Variants in DPY19L4 observed in about 807,000 individuals in gnomAD.
The protein encoded by DPY19L4 is probable C-mannosyltransferase DPY19L4.
Under a neutral mutation model 102.8 loss-of-function variants are expected in DPY19L4, and 97 were observed. The observed-to-expected ratio is 0.94, with a 90% CI of 0.80 to 1.12. The LOEUF (loss-of-function observed/expected upper bound fraction) is 1.12, where lower values mean the gene tolerates loss of function less well. DPY19L4 is among the 50% of genes most tolerant of loss of function. The probability of loss-of-function intolerance (pLI) is 0.00; values close to 1 mark genes in which losing one functional copy is unlikely to be tolerated. For missense variants in DPY19L4, 815 were observed against 850.4 expected, an observed-to-expected ratio of 0.96 and a Z score of 0.52; for synonymous variants, 252 against 283.1, an observed-to-expected ratio of 0.89 and a Z score of 1.10.
At chr8:94,744,050 T>G (rs536834955) in intron 6 of DPY19L4, among the ~76,000 whole-genome samples, 1 of 152,246 alleles carries the variant, frequency 6.6e-6, no homozygotes, top group Non-Finnish European at 1.5e-5. Flanking sequence ...TTGTGTGATG[T>G]ATTAGTTATT....
chr8:94,750,873 C>T (rs2130849691), intron 6 of DPY19L4, among the ~76,000 whole-genome samples: 1 of 151,524 alleles, frequency 6.6e-6, no homozygotes, highest in Non-Finnish European at 1.5e-5. Context: ...ACCTCCACCT[C>T]CCAGGTTCAA....
intron 6 of DPY19L4, among the ~76,000 whole-genome samples, chr8:94,750,436 A>G (rs1183050287): frequency 6.6e-6 from 1 of 152,200 alleles, no homozygotes; most frequent in Non-Finnish European, 1.5e-5. Flanking sequence ...TTAGAGAATT[A>G]GAAAAGAGCT....
chr8:94,723,072 T>C (rs1024288585), intron 1 of DPY19L4, among the ~76,000 whole-genome samples: 1 of 152,246 alleles, frequency 6.6e-6, no homozygotes, highest in African/African-American at 2.4e-5. Flanking sequence ...TACTGTTTCA[T>C]ATGAAGATGA....
intron 1 of DPY19L4, 65 bp downstream of exon 1, chr8:94,720,079 G>A: frequency 6.6e-7 from 1 of 1,504,814 alleles, no homozygotes; most frequent in South Asian, 1.3e-5. Context: ...GGGCGGGGGC[G>A]CTGGAGGTCT....
Position 94,781,124 on chromosome 8 carries a change from A to T in DPY19L4, c.1673A>T (p.Glu558Val). The T allele has an allele frequency of 6.3e-7, 1 of 1,596,050 alleles. No homozygotes were observed. Among genetic ancestry groups the T allele is most frequent in the Non-Finnish European group, 8.5e-7 (1 of 1,175,936 alleles). The change falls in exon 16 of 19, where the codon GAA becomes GTA. Residue 558 changes from glutamate (E) to valine (V), a missense_variant. Coordinates refer to ENST00000414645, the MANE Select transcript of DPY19L4 (RefSeq NM_181787.3). ...ATGACAGAATTAATGGAACTACAGG[A>T]ATTCTATGACCCAGATACAGTGGAA... ...RLMTELMELQ[E>V]FYDPDTVELM...
chr8:94,724,276 A>G (rs910733889), intron 1 of DPY19L4, among the ~76,000 whole-genome samples: 5 of 152,248 alleles, frequency 3.3e-5, no homozygotes, highest in Middle Eastern at 3.2e-3. Flanking sequence ...TTAAAGTCCA[A>G]TGCTATTACG....
At chr8:94,775,459 A>G (rs1813136703) in intron 13 of DPY19L4, among the ~76,000 whole-genome samples, 1 of 152,218 alleles carries the variant, frequency 6.6e-6, no homozygotes, top group Non-Finnish European at 1.5e-5. Context: ...GGTGTGAGCC[A>G]CTGCACCCAG....
intron 3 of DPY19L4, among the ~76,000 whole-genome samples, chr8:94,735,408 G>A (rs546771957): frequency 2.6e-5 from 4 of 152,112 alleles, no homozygotes; most frequent in Non-Finnish European, 5.9e-5. Flanking sequence ...ACACCATCAA[G>A]ACATTTAACT....
intron 1 of DPY19L4, 130 bp from the exon 2 acceptor site, chr8:94,726,200 GA>G: frequency 5.1e-6 from 3 of 583,108 alleles, no homozygotes; most frequent in Non-Finnish European, 8.1e-6. Flanking sequence ...AAATAATTAT[GA>G]AAAGGTTATC....
intron 7 of DPY19L4, 43 bp downstream of exon 7, chr8:94,756,202 G>A (rs770219671): frequency 1.4e-5 from 22 of 1,591,090 alleles, no homozygotes; most frequent in South Asian, 2.3e-5. Context: ...TAATTCTGAT[G>A]TATTGCAAAT....
At chr8:94,766,936 G>A (rs1812700968) in intron 11 of DPY19L4, among the ~76,000 whole-genome samples, 1 of 151,888 alleles carries the variant, frequency 6.6e-6, no homozygotes. Context: ...TGGGTGTGGT[G>A]GTGCATGCCT....
intron 2 of DPY19L4, among the ~76,000 whole-genome samples, chr8:94,730,886 C>T (rs1810921511): frequency 6.7e-6 from 1 of 149,420 alleles, no homozygotes; most frequent in Non-Finnish European, 1.5e-5. Context: ...GCTGGGATTA[C>T]AGGCATGCAC....
intron 9 of DPY19L4, among the ~76,000 whole-genome samples, 170 bp downstream of exon 9, chr8:94,765,484 C>T (rs1333748921): frequency 1.3e-5 from 2 of 151,870 alleles, no homozygotes; most frequent in East Asian, 1.9e-4. Context: ...TACAAGCATG[C>T]GCCACCACAC....
intron 3 of DPY19L4, among the ~76,000 whole-genome samples, chr8:94,736,450 T>C (rs1293847213): frequency 6.6e-6 from 1 of 152,234 alleles, no homozygotes. Flanking sequence ...TCAAAACTTA[T>C]TTAACTACAG....
chr8:94,730,745 CTTT>C (rs533095374), intron 2 of DPY19L4, among the ~76,000 whole-genome samples: 3 of 116,204 alleles, frequency 2.6e-5, no homozygotes, highest in Admixed American at 8.6e-5. Flanking sequence ...AACTCTGTCT[CTTT>C]TTTTTTTTTT....
chr8:94,739,622 C>G (rs752620683), intron 5 of DPY19L4, 23 bp from the exon 6 acceptor site: 55 of 1,611,602 alleles, frequency 3.4e-5, no homozygotes, highest in Non-Finnish European at 4.6e-5. Flanking sequence ...TTGTCTTGTT[C>G]TCTTTCTGTT....
intron 6 of DPY19L4, among the ~76,000 whole-genome samples, chr8:94,754,512 T>C (rs966713256): frequency 3.3e-5 from 5 of 152,172 alleles, no homozygotes; most frequent in Admixed American, 3.3e-4. Context: ...TATTCAGGAG[T>C]GTATTACTTG....
intron 6 of DPY19L4, among the ~76,000 whole-genome samples, chr8:94,752,297 T>C (rs1037144870): frequency 6.6e-6 from 1 of 152,084 alleles, no homozygotes; most frequent in African/African-American, 2.4e-5. Flanking sequence ...TTTTAAAAGC[T>C]TAGATTGCTG....
intron 13 of DPY19L4, among the ~76,000 whole-genome samples, chr8:94,771,695 G>A (rs566071848): frequency 2.0e-5 from 3 of 152,218 alleles, no homozygotes; most frequent in Non-Finnish European, 4.4e-5. Flanking sequence ...AGAGGGAATG[G>A]CATATGCCCA....
Sources: gnomAD v4.1 joint callset for allele counts (sites outside exome capture counted in the v4.1 genomes callset) on GRCh38, gnomAD v4.1.1 for gene constraint, MANE v1.5 for transcripts, NCBI Gene and HGNC (gene_info 2026-07-23, HGNC 2026-07-21) for gene names.